RFX6: variants seen among roughly 807,000 people sequenced by gnomAD.
RFX6 encodes regulatory factor X6.
In RFX6, 50 loss-of-function variants were observed where a neutral mutation model predicts 110.8. The observed-to-expected ratio is 0.45, with a 90% CI of 0.36 to 0.57. RFX6 has a LOEUF of 0.57. RFX6 is among the 20% of genes least tolerant of loss of function. The probability of loss-of-function intolerance (pLI) is 0.00; values close to 1 mark genes in which losing one functional copy is unlikely to be tolerated. For synonymous variants in RFX6, 383 were observed against 411.2 expected, an observed-to-expected ratio of 0.93 and a Z score of 0.83; for missense variants, 990 against 1,127.0, an observed-to-expected ratio of 0.88 and a Z score of 1.74.
At chr6:116,893,699 C>T (rs899113298) in intron 4 of RFX6, among the ~76,000 whole-genome samples, 1 of 152,232 alleles carries the variant, frequency 6.6e-6, no homozygotes, top group Non-Finnish European at 1.5e-5. Context: ...TACATTTATA[C>T]ATTATTGGGA....
At chr6:116,904,695 C>A (rs901291713) in intron 6 of RFX6, among the ~76,000 whole-genome samples, 3 of 152,138 alleles carry the variant, frequency 2.0e-5, no homozygotes, top group Non-Finnish European at 4.4e-5. Context: ...ATGTCCCTGG[C>A]CACTACCATT....
chr6:116,911,626 T>C (rs1247990551), intron 7 of RFX6, among the ~76,000 whole-genome samples: 1 of 152,218 alleles, frequency 6.6e-6, no homozygotes, highest in Non-Finnish European at 1.5e-5. Context: ...GCGTGTAAAC[T>C]ATATCTTCGA....
chr6:116,906,970 T>C (rs986786037), intron 6 of RFX6, among the ~76,000 whole-genome samples: 8 of 151,992 alleles, frequency 5.3e-5, no homozygotes, highest in Non-Finnish European at 2.9e-5. Context: ...AAGCTTTCAG[T>C]CTTTCACCAT....
At chr6:116,910,792 A>G (rs1401004541) in intron 6 of RFX6, 143 bp from the exon 7 acceptor site, 1 of 699,768 alleles carries the variant, frequency 1.4e-6, no homozygotes, top group Non-Finnish European at 2.6e-6. Flanking sequence ...CACAATCTAA[A>G]CAGTCTACTC....
At chr6:116,916,605 C>G (rs533957257) in intron 9 of RFX6, among the ~76,000 whole-genome samples, 1 of 152,180 alleles carries the variant, frequency 6.6e-6, no homozygotes, top group South Asian at 2.1e-4. Context: ...TATTAACTCT[C>G]TAAGGTGTTT....
chr6:116,920,281 G>A (rs369283657), intron 11 of RFX6, 29 bp from the exon 12 acceptor site: 12 of 1,575,662 alleles, frequency 7.6e-6, no homozygotes, highest in African/African-American at 5.4e-5. Context: ...ATGATATAGT[G>A]TAGTGTCTTC....
At chr6:116,893,920 T>C (rs1435529231) in intron 4 of RFX6, 67 bp from the exon 5 acceptor site, 1 of 882,476 alleles carries the variant, frequency 1.1e-6, no homozygotes, top group African/African-American at 1.6e-5. Flanking sequence ...CAGTTATACC[T>C]TAGTCTCTTT....
chr6:116,920,492 A>G (rs1342986044), intron 12 of RFX6, 38 bp downstream of exon 12: 1 of 1,586,186 alleles, frequency 6.3e-7, no homozygotes, highest in Non-Finnish European at 8.7e-7. Flanking sequence ...AGGTTTTCTA[A>G]GCTCAGAAAA....
Sources: allele counts gnomAD v4.1 joint callset (sites outside exome capture counted in the v4.1 genomes callset), GRCh38; gene constraint gnomAD v4.1.1; transcripts MANE v1.5; gene names NCBI Gene and HGNC (gene_info 2026-07-23, HGNC 2026-07-21).